ACIN1: variants seen among roughly 807,000 people sequenced by gnomAD.
ACIN1 encodes apoptotic chromatin condensation inducer in the nucleus.
In ACIN1, 16 loss-of-function variants were observed where a neutral mutation model predicts 146.6. The ratio of observed to expected loss-of-function variants is 0.11; its 90% CI spans 0.07 to 0.17. The LOEUF is 0.17. Ranked by LOEUF, ACIN1 falls within the 10% of genes least tolerant of loss-of-function variation. The pLI is 1.00. For missense variants in ACIN1, 1,357 were observed against 1,609.3 expected, an observed-to-expected ratio of 0.84 and a Z score of 2.68; for synonymous variants, 569 against 582.7, an observed-to-expected ratio of 0.98 and a Z score of 0.34.
chr14:23,061,333 C>A lies in ACIN1; in HGVS notation c.3389G>T (p.Arg1130Leu), dbSNP rs201109870. Residue 1130 changes from arginine to leucine, a missense_variant, in exon 17 of 19, where the codon CGT becomes CTT. Arg to Leu is a moderately radical substitution (Grantham distance 102). Transcript: ENST00000605057. Reference protein sequence around the residue: ...SRSRDRRRKERAKSKEKKSEK... With the variant: ...SRSRDRRRKELAKSKEKKSEK... ...ACTCTTCTTTTCTTTAGACTTCGCA[C>A]GTTCCTTGCGGCGGCGGTCACGGGA... is the stretch of plus-strand genomic sequence containing the variant. The A allele has an allele frequency of 1.7e-4, 269 of 1,614,110 alleles. No individual in the cohort carries two copies. The highest frequency in any genetic ancestry group is 2.1e-4 in the Non-Finnish European group (244 of 1,180,018).
chr14:23,071,534 C>A (rs747401883), intron 8 of ACIN1: 1 of 1,551,172 alleles, frequency 6.4e-7, no homozygotes, highest in Non-Finnish European at 8.7e-7. Context: ...AGCGATCAGC[C>A]GGAGACATGC....
intron 8 of ACIN1, among the ~76,000 whole-genome samples, chr14:23,070,199 G>A (rs935773919): frequency 1.1e-4 from 17 of 151,192 alleles, no homozygotes; most frequent in African/African-American, 3.6e-4. Context: ...AAAATGGTGG[G>A]GGGTGGGGGG....
chr14:23,071,052 T>C, intron 8 of ACIN1: 2 of 1,449,706 alleles, frequency 1.4e-6, no homozygotes, highest in Non-Finnish European at 1.9e-6. Context: ...ATGAAAGCCA[T>C]GAGGAAGAGA....
Position 23,063,570 on chromosome 14 carries a change from G to C in ACIN1, c.2603C>G (p.Pro868Arg). 1 of 1,614,100 alleles carries C rather than the reference G, an allele frequency of 6.2e-7. No homozygotes were observed. Among genetic ancestry groups the C allele is most frequent in the Non-Finnish European group, 8.5e-7 (1 of 1,180,010 alleles). ...CTGCCCATTCTCCTGGCCCTCTGCAGGTACTACCTATCAAGGTGTCAGAGA... is the reference window on the plus strand; with the variant it reads ...CTGCCCATTCTCCTGGCCCTCTGCACGTACTACCTATCAAGGTGTCAGAGA... ...KICRTVTQVV[P>R]AEGQENGQRE... Residue 868 changes from proline to arginine, a missense_variant, in exon 13 of 19, where the codon CCT becomes CGT. Pro to Arg is a moderately radical substitution (Grantham distance 103). Around this residue, in one of 4 missense-constraint regions of ACIN1, gnomAD observed 509 missense variants for 719.6 expected, o/e 0.71. Transcript: ENST00000605057.
At chr14:23,074,083 G>A (rs1387202870) in intron 8 of ACIN1, among the ~76,000 whole-genome samples, 1 of 151,388 alleles carries the variant, frequency 6.6e-6, no homozygotes, top group African/African-American at 2.4e-5. Flanking sequence ...TGTGATTCGC[G>A]CGTCTCGGCC....
rs200043212 is a variant in ACIN1, at chr14:23,070,926, C to CA, written c.2124-1310dup. On this transcript the variant is annotated intron_variant, in intron 8 of 18. Coordinates refer to ENST00000605057, the MANE Select transcript of ACIN1 (RefSeq NM_001386863.1). The stretch of plus-strand genomic sequence containing the variant: ...CTTACATCTAGAGAAAAGGCTTATA[C>CA]AAAAAAAATATCTATTTCCCATACA... Among the ~76,000 whole-genome samples the CA allele has an allele frequency of 5.5e-3, 834 of 151,870 alleles. 5 individuals are homozygous for CA. The highest frequency in any genetic ancestry group is 0.015 in the African/African-American group (636 of 41,402).
At chr14:23,093,633 C>A (rs1594793035) in intron 1 of ACIN1, 89 bp from the exon 2 acceptor site, 1 of 1,090,998 alleles carries the variant, frequency 9.2e-7, no homozygotes, top group East Asian at 2.4e-5. Context: ...AAATTAAACG[C>A]AATGACTTAA....
chr14:23,071,281 C>T, intron 8 of ACIN1: 1 of 1,501,336 alleles, frequency 6.7e-7, no homozygotes, highest in Non-Finnish European at 8.9e-7. Flanking sequence ...ATCCCACCAC[C>T]TCCTCCCCAG....
chr14:23,067,965 G>C lies in ACIN1; in HGVS notation c.2265+1511C>G. On this transcript the variant is annotated intron_variant, in intron 9 of 18. Coordinates refer to ENST00000605057, the MANE Select transcript of ACIN1 (RefSeq NM_001386863.1). This position sits in a 1 kb window ranked among gnomAD's most constrained non-coding sequence, Gnocchi z 4.6. ...GGCTGGCATCTCCTCAGGGACTCCAGCTGAGACAGTGGTTCCAGTCAGGTG... is the reference window on the plus strand; with the variant it reads ...GGCTGGCATCTCCTCAGGGACTCCACCTGAGACAGTGGTTCCAGTCAGGTG... 1.0e-6 allele frequency: 1 copy of C among 985,872 alleles called. No individual in the cohort carries two copies. Among genetic ancestry groups the C allele is most frequent in the Non-Finnish European group, 1.2e-6 (1 of 829,946 alleles). 61.1% of individuals were successfully genotyped at this position (985,872 alleles called of 1,614,324 possible).
At chr14:23,091,243 T>A (rs2048218963) in intron 2 of ACIN1, among the ~76,000 whole-genome samples, 1 of 152,142 alleles carries the variant, frequency 6.6e-6, no homozygotes, top group Admixed American at 6.5e-5. Flanking sequence ...AATTATATCT[T>A]TTAGGCTAAA....
chr14:23,093,631 C>G (rs770249252), intron 1 of ACIN1, 87 bp from the exon 2 acceptor site: 22 of 1,102,488 alleles, frequency 2.0e-5, no homozygotes, highest in Middle Eastern at 2.0e-4. Flanking sequence ...CTAAATTAAA[C>G]GCAATGACTT....
chr14:23,062,332 T>A, intron 15 of ACIN1, 57 bp from the exon 16 acceptor site: 1 of 1,593,226 alleles, frequency 6.3e-7, no homozygotes. Context: ...CCTTCCCACG[T>A]GCTGCAACAC....
In ACIN1 at chr14:23,068,819, A is replaced by G. The variant is rs1285915950; in HGVS notation, c.2265+657T>C. Reference sequence around the variant, plus strand: ...CCTCCCACCTTGTTACCCCTCTCCTAAACCCAGCTCATTCTTTCTCAATTA... The same window carrying G: ...CCTCCCACCTTGTTACCCCTCTCCTGAACCCAGCTCATTCTTTCTCAATTA... On this transcript the variant is annotated intron_variant, in intron 9 of 18. Transcript: ENST00000605057. This position sits in a 1 kb window ranked among gnomAD's most constrained non-coding sequence, Gnocchi z 4.3. The G allele has an allele frequency of 2.0e-6, 2 of 985,254 alleles. No individual in the cohort carries two copies. The highest frequency in any genetic ancestry group is 1.7e-5 in the African/African-American group (1 of 57,188). The allele number at this position is 985,254 out of a possible 1,614,324, so 61.0% of individuals were successfully genotyped here. A position where few individuals can be genotyped will look rare whatever the true frequency, so the allele number is the denominator to read the frequency against.
chr14:23,082,986 G>A (rs965979639), intron 4 of ACIN1, among the ~76,000 whole-genome samples: 2 of 150,900 alleles, frequency 1.3e-5, no homozygotes, highest in South Asian at 2.1e-4. Context: ...CAATCCCCCC[G>A]CCTTGGCCTC....
rs747722806 is a variant in ACIN1 at position 23,080,580 on chromosome 14, T to G, written c.755A>C (p.Glu252Ala). 1.5e-5 allele frequency: 25 copies of G among 1,614,062 alleles called. No individual in the cohort carries two copies. The Admixed American group carries it at 4.0e-4, about 26-fold the overall frequency. Residue 252 changes from glutamate (E) to alanine (A), a missense_variant, in exon 6 of 19, where the codon GAG becomes GCG. By Grantham distance (107) the Glu-to-Ala change is moderately radical (BLOSUM62 -1). This residue lies in a region of ACIN1 where 771 missense variants were observed against 746.6 expected (regional missense o/e 1.03). Transcript: ENST00000605057. The part of the protein sequence containing the change: ...ILKEFKEEGE[E>A]IPRVKPEEMM... ...CTCCTCTGGTTTTACTCTAGGTATCTCTTCCCCTTCTTCCTTAAACTCTTT... is the reference window on the plus strand; with the variant it reads ...CTCCTCTGGTTTTACTCTAGGTATCGCTTCCCCTTCTTCCTTAAACTCTTT...
At chr14:23,081,337 C>A (rs1276572960) in intron 5 of ACIN1, among the ~76,000 whole-genome samples, 2 of 152,146 alleles carry the variant, frequency 1.3e-5, no homozygotes, top group Non-Finnish European at 2.9e-5. Flanking sequence ...TTTAAGAATA[C>A]AGAGCAGCCT....
At chr14:23,063,398 G>C (rs192296772) in intron 13 of ACIN1, 38 bp downstream of exon 13, 1 of 1,594,890 alleles carries the variant, frequency 6.3e-7, no homozygotes, top group Non-Finnish European at 8.6e-7. Flanking sequence ...GAGAATTCAG[G>C]GAGCCGCATT....
chr14:23,062,812 T>C, intron 14 of ACIN1, 117 bp downstream of exon 14: 1 of 1,212,582 alleles, frequency 8.2e-7, no homozygotes, highest in East Asian at 2.4e-5. Context: ...TCAAGATCAG[T>C]GAGTAACTTA....
chr14:23,066,174 G>A (rs1229859491), intron 9 of ACIN1, 166 bp from the exon 10 acceptor site: 1 of 556,720 alleles, frequency 1.8e-6, no homozygotes, highest in African/African-American at 1.9e-5. Flanking sequence ...CAAAACAGAA[G>A]CGGCAAACGG....
Sources: gnomAD v4.1 joint callset for allele counts (sites outside exome capture counted in the v4.1 genomes callset) on GRCh38, gnomAD v4.1.1 for gene constraint, gnomAD v4.1.1 regional missense constraint, Gnocchi (gnomAD v3.1) non-coding constraint, MANE v1.5 for transcripts, NCBI Gene and HGNC (gene_info 2026-07-23, HGNC 2026-07-21) for gene names.